Variants in IFNG-AS1 observed in about 807,000 individuals in gnomAD.
IFNG-AS1 encodes IFNG antisense RNA 1 (non-protein coding).
chr12:67,993,250 G>A (rs866658932), intron 1 of IFNG-AS1, among the ~76,000 whole-genome samples: 28 of 152,126 alleles, frequency 1.8e-4, no homozygotes, highest in African/African-American at 6.3e-4. Context: ...TGTTTTTTAC[G>A]CAGTTCATGA....
intron 2 of IFNG-AS1, among the ~76,000 whole-genome samples, chr12:67,997,808 G>A (rs977008493): frequency 1.3e-5 from 2 of 151,064 alleles, no homozygotes; most frequent in African/African-American, 4.9e-5. Context: ...GAAAGAGAAG[G>A]GATTTTAAAA....
intron 3 of IFNG-AS1, chr12:68,013,767 G>T (rs954835379): frequency 7.9e-5 from 12 of 152,196 alleles, no homozygotes; most frequent in African/African-American, 2.9e-4. Context: ...CTGTCCCCAA[G>T]TAAGAAGGAA....
At chr12:68,003,471 C>T (rs1879827102) in intron 2 of IFNG-AS1, among the ~76,000 whole-genome samples, 1 of 148,972 alleles carries the variant, frequency 6.7e-6, no homozygotes, top group East Asian at 2.0e-4. Context: ...CTCCATGAGT[C>T]CACACTAGAA....
chr12:67,990,821 T>A (rs181770493), intron 1 of IFNG-AS1, among the ~76,000 whole-genome samples: 2 of 152,256 alleles, frequency 1.3e-5, no homozygotes, highest in East Asian at 3.9e-4. Context: ...CTCAAACTCC[T>A]GACCTCGTGA....
At chr12:68,018,841 C>T (rs759841390) in intron 3 of IFNG-AS1, among the ~76,000 whole-genome samples, 26 of 151,342 alleles carry the variant, frequency 1.7e-4, no homozygotes, top group Non-Finnish European at 3.2e-4. Context: ...TGACTTTGTG[C>T]GGAAGGTCCA....
chr12:68,015,359 C>T (rs922106665), intron 3 of IFNG-AS1, among the ~76,000 whole-genome samples: 4 of 152,082 alleles, frequency 2.6e-5, no homozygotes, highest in African/African-American at 9.7e-5. Context: ...GTAGAGTCCA[C>T]GTAAGGTTTG....
intron 3 of IFNG-AS1, among the ~76,000 whole-genome samples, chr12:68,006,632 T>C (rs2120451916): frequency 1.3e-5 from 2 of 152,298 alleles, no homozygotes; most frequent in South Asian, 4.1e-4. Context: ...AGTTGAAAAG[T>C]TCATCAAAAA....
intron 1 of IFNG-AS1, among the ~76,000 whole-genome samples, chr12:67,995,438 A>AC (rs565213037): frequency 1.4e-5 from 2 of 145,672 alleles, no homozygotes; most frequent in South Asian, 4.4e-4. Context: ...AAAAAAAAAA[A>AC]AGGGCCGCGC....
At chr12:68,004,803 G>A (rs1482246084) in intron 2 of IFNG-AS1, among the ~76,000 whole-genome samples, 1 of 151,968 alleles carries the variant, frequency 6.6e-6, no homozygotes, top group Non-Finnish European at 1.5e-5. Context: ...TTCCCCAAGT[G>A]CTCCAAACAG....
intron 1 of IFNG-AS1, among the ~76,000 whole-genome samples, chr12:67,994,132 G>C (rs1194498982): frequency 6.6e-6 from 1 of 152,206 alleles, no homozygotes; most frequent in Admixed American, 6.5e-5. Flanking sequence ...TCACAGGAGA[G>C]TTGTTGTACA....
At chr12:67,998,151 A>G (rs1879684547) in intron 2 of IFNG-AS1, among the ~76,000 whole-genome samples, 1 of 152,096 alleles carries the variant, frequency 6.6e-6, no homozygotes, top group Non-Finnish European at 1.5e-5. Flanking sequence ...CCCAGAAGAT[A>G]CACCTCCGAT....
chr12:68,006,964 C>T (rs1268597904), intron 3 of IFNG-AS1, among the ~76,000 whole-genome samples: 1 of 152,146 alleles, frequency 6.6e-6, no homozygotes, highest in Non-Finnish European at 1.5e-5. Flanking sequence ...TTTCAAGATT[C>T]TAAAATAGTG....
intron 2 of IFNG-AS1, among the ~76,000 whole-genome samples, chr12:68,004,435 T>C (rs1386542691): frequency 6.6e-6 from 1 of 152,182 alleles, no homozygotes; most frequent in African/African-American, 2.4e-5. Flanking sequence ...CAGCTTGCTC[T>C]CTCTCCCCAG....
At chr12:68,014,942 G>A (rs7306466) in intron 3 of IFNG-AS1, among the ~76,000 whole-genome samples, 44,676 of 151,962 alleles carry the variant, frequency 0.29, 6,820 homozygotes, top group South Asian at 0.34. Flanking sequence ...AAAGAGCAAT[G>A]CACATTTCTA....
intron 1 of IFNG-AS1, among the ~76,000 whole-genome samples, chr12:67,994,185 C>T (rs983972067): frequency 6.6e-6 from 1 of 152,224 alleles, no homozygotes. Context: ...AACTCAGTTG[C>T]ACCTTCATAC....
intron 3 of IFNG-AS1, among the ~76,000 whole-genome samples, chr12:68,007,440 A>T (rs1424821960): frequency 6.6e-6 from 1 of 152,254 alleles, no homozygotes; most frequent in Non-Finnish European, 1.5e-5. Flanking sequence ...GAAGAGATCA[A>T]ATTTATCACT....
rs564873926 is a variant in IFNG-AS1 at position 68,006,545 on chromosome 12, G to A, written n.241+399G>A. On this transcript the variant is annotated intron_variant and non_coding_transcript_variant, in intron 3 of 5. Coordinates refer to ENST00000536914, the Ensembl canonical transcript of IFNG-AS1. ...TAAGACAGCCCCATGATCTCTGCCC[G>A]GGTGTTTCATCCATAATTAGGTTAC... Among the ~76,000 whole-genome samples the A allele has an allele frequency of 5.3e-4, 80 of 152,280 alleles. 1 individual carries two copies. The South Asian group carries it at 0.016, about 30-fold the overall frequency.
At chr12:68,008,628 A>G (rs1475441276) in intron 3 of IFNG-AS1, among the ~76,000 whole-genome samples, 2 of 152,168 alleles carry the variant, frequency 1.3e-5, no homozygotes, top group Non-Finnish European at 2.9e-5. Context: ...GGTTGGTAGG[A>G]GGCTTCTCCA....
At chr12:67,990,953 T>C (rs1207460591) in intron 1 of IFNG-AS1, among the ~76,000 whole-genome samples, 1 of 152,242 alleles carries the variant, frequency 6.6e-6, no homozygotes, top group African/African-American at 2.4e-5. Flanking sequence ...CCACCTGCCC[T>C]ATGTGGTTTG....
Sources: allele counts gnomAD v4.1 joint callset (sites outside exome capture counted in the v4.1 genomes callset), GRCh38; gene constraint gnomAD v4.1.1; transcripts MANE v1.5; gene names NCBI Gene and HGNC (gene_info 2026-07-23, HGNC 2026-07-21).